Variants in CAMKMT observed in about 807,000 individuals in gnomAD.
CAMKMT encodes CaM KMT.
In CAMKMT, 53 loss-of-function variants were observed where a neutral mutation model predicts 48.0. The observed-to-expected ratio is 1.10, with a 90% CI of 0.89 to 1.39. The LOEUF (loss-of-function observed/expected upper bound fraction) is 1.39. CAMKMT is among the 40% of genes most tolerant of loss of function. CAMKMT has a pLI of 0.00. For synonymous variants in CAMKMT, 165 were observed against 152.3 expected (o/e 1.08, Z -0.61); for missense variants, 428 against 402.7 (o/e 1.06, Z -0.54).
intron 2 of CAMKMT, among the ~76,000 whole-genome samples, chr2:44,387,468 C>T (rs760620992): frequency 4.6e-5 from 7 of 152,096 alleles, no homozygotes; most frequent in South Asian, 2.1e-4. Context: ...ATCTATTTTA[C>T]GGTTCTGTGT....
chr2:44,467,778 G>C (rs192410505), intron 3 of CAMKMT, among the ~76,000 whole-genome samples: 1 of 152,148 alleles, frequency 6.6e-6, no homozygotes, highest in African/African-American at 2.4e-5. Flanking sequence ...TCAGTAAATA[G>C]TGGTGGGAAA....
chr2:44,629,558 C>A (rs1339584397), intron 3 of CAMKMT, among the ~76,000 whole-genome samples: 1 of 151,532 alleles, frequency 6.6e-6, no homozygotes, highest in Non-Finnish European at 1.5e-5. Flanking sequence ...CCCACCTTGA[C>A]CTCCCAGGTA....
At chr2:44,736,229 T>C (rs1436960426) in intron 7 of CAMKMT, among the ~76,000 whole-genome samples, 1 of 152,240 alleles carries the variant, frequency 6.6e-6, no homozygotes, top group Non-Finnish European at 1.5e-5. Context: ...TTCAGCTTTT[T>C]GTATGTCTGA....
chr2:44,609,917 C>A (rs1221763557), intron 3 of CAMKMT, among the ~76,000 whole-genome samples: 2 of 152,098 alleles, frequency 1.3e-5, no homozygotes, highest in East Asian at 3.9e-4. Flanking sequence ...AGTTGAAAAC[C>A]ATTGTCAAGA....
rs6742144 is a variant in CAMKMT, at chr2:44,672,923, A to G, written c.377-31360A>G. Among the ~76,000 whole-genome samples, 1,002 of 152,316 alleles carry G rather than the reference A, an allele frequency of 6.6e-3. 17 individuals are homozygous for G. The highest frequency in any genetic ancestry group is 0.023 in the African/African-American group (939 of 41,552). ...CAGTTCTAATAAACAGACATTTCAT[A>G]ACTACTAATCAAAATAAGTCAATGC... On this transcript the variant is annotated intron_variant, in intron 3 of 10. Transcript: ENST00000378494.
chr2:44,735,242 T>C (rs1679293287), intron 7 of CAMKMT, among the ~76,000 whole-genome samples: 1 of 152,212 alleles, frequency 6.6e-6, no homozygotes, highest in Non-Finnish European at 1.5e-5. Context: ...TGTCTGTATA[T>C]TTAAAATGCA....
chr2:44,400,962 GTA>G (rs1558580096), intron 3 of CAMKMT: 1 of 88,590 alleles, frequency 1.1e-5, no homozygotes, highest in African/African-American at 6.5e-5. Context: ...ATATATATAT[GTA>G]TGTACATAAA....
At chr2:44,595,310 C>T (rs886755239) in intron 3 of CAMKMT, among the ~76,000 whole-genome samples, 3 of 152,002 alleles carry the variant, frequency 2.0e-5, no homozygotes, top group Non-Finnish European at 4.4e-5. Context: ...GGGTATATAC[C>T]CAAAGGATTA....
chr2:44,458,259 C>G (rs1449058412), intron 3 of CAMKMT, among the ~76,000 whole-genome samples: 1 of 152,014 alleles, frequency 6.6e-6, no homozygotes. Flanking sequence ...GTTGGCTAGG[C>G]TAGTCTCGAA....
chr2:44,453,670 A>G (rs1667412723), intron 3 of CAMKMT, among the ~76,000 whole-genome samples: 1 of 152,074 alleles, frequency 6.6e-6, no homozygotes, highest in African/African-American at 2.4e-5. Context: ...TTTTTATTAA[A>G]AGATAATTTT....
chr2:44,651,904 T>TA (rs1674091131), intron 3 of CAMKMT, among the ~76,000 whole-genome samples: 2 of 152,240 alleles, frequency 1.3e-5, no homozygotes, highest in African/African-American at 4.8e-5. Context: ...AGTAGTATTG[T>TA]AAATCACACC....
chr2:44,491,895 TTTTC>T (rs761175563), intron 3 of CAMKMT, among the ~76,000 whole-genome samples: 9 of 152,342 alleles, frequency 5.9e-5, no homozygotes, highest in East Asian at 3.9e-4. Context: ...TCAGGAAATG[TTTTC>T]TTTCTTTCTT....
At chr2:44,495,437 C>T (rs1669709134) in intron 3 of CAMKMT, among the ~76,000 whole-genome samples, 1 of 152,078 alleles carries the variant, frequency 6.6e-6, no homozygotes, top group Non-Finnish European at 1.5e-5. Context: ...AGCCACCGTG[C>T]ACAGCCAAGA....
At chr2:44,627,794 G>GATTC (rs1672577210) in intron 3 of CAMKMT, among the ~76,000 whole-genome samples, 1 of 138,220 alleles carries the variant, frequency 7.2e-6, no homozygotes, top group Non-Finnish European at 1.5e-5. Context: ...CTGCCTCCCG[G>GATTC]ATTCAAGCGA....
chr2:44,763,049 C>T (rs946014589), intron 9 of CAMKMT, among the ~76,000 whole-genome samples: 6 of 152,096 alleles, frequency 3.9e-5, no homozygotes, highest in African/African-American at 9.7e-5. Context: ...GGTACTGTTC[C>T]CCCTGTGACG....
intron 3 of CAMKMT, among the ~76,000 whole-genome samples, chr2:44,643,216 T>A (rs549400604): frequency 9.2e-5 from 14 of 152,356 alleles, no homozygotes; most frequent in African/African-American, 3.1e-4. Context: ...TCAGAAACAT[T>A]AATGAAAATA....
chr2:44,520,413 A>G (rs997757796), intron 3 of CAMKMT, among the ~76,000 whole-genome samples: 6 of 152,094 alleles, frequency 3.9e-5, no homozygotes, highest in African/African-American at 1.2e-4. Context: ...CACTGCATCC[A>G]GCCCTCAAAG....
intron 6 of CAMKMT, among the ~76,000 whole-genome samples, chr2:44,710,812 G>A (rs1677839116): frequency 6.6e-6 from 1 of 152,172 alleles, no homozygotes; most frequent in Non-Finnish European, 1.5e-5. Flanking sequence ...TCCTGAAGGT[G>A]AGCAACCCTC....
intron 3 of CAMKMT, among the ~76,000 whole-genome samples, chr2:44,595,328 A>C (rs1572882716): frequency 6.6e-6 from 1 of 151,906 alleles, no homozygotes; most frequent in African/African-American, 2.4e-5. Context: ...TTATAAATGA[A>C]CTCCCGACCG....
Sources: gnomAD v4.1 joint callset for allele counts (sites outside exome capture counted in the v4.1 genomes callset) on GRCh38, gnomAD v4.1.1 for gene constraint, MANE v1.5 for transcripts, NCBI Gene and HGNC (gene_info 2026-07-23, HGNC 2026-07-21) for gene names.